CDH11: variants seen among roughly 807,000 people sequenced by gnomAD.
CDH11 encodes the protein cadherin-11.
Under a neutral mutation model 67.8 loss-of-function variants are expected in CDH11, and 11 were observed. The ratio of observed to expected loss-of-function variants is 0.16; its 90% CI spans 0.10 to 0.27. CDH11 has a LOEUF of 0.27. Among genes scored for constraint, CDH11 ranks in the 10% least tolerant of loss-of-function variants. The pLI is 1.00. For missense variants in CDH11, 847 were observed against 1,031.2 expected, an observed-to-expected ratio of 0.82 and a Z score of 2.45; for synonymous variants, 419 against 400.0, an observed-to-expected ratio of 1.05 and a Z score of -0.57.
At position 65,116,511 on chromosome 16, in the gene CDH11, T is replaced by C. The variant is rs138950747; in HGVS notation, c.-298+5369A>G. ...AAAATCATTCCAGTGCAGAGGACCA[T>C]GTCAGGAGGATTTCTGGCAAATAAG... On this transcript the variant is annotated intron_variant, in intron 1 of 12. Transcript: ENST00000268603. Among the ~76,000 whole-genome samples, 776 of 152,294 alleles carry C rather than the reference T, an allele frequency of 5.1e-3. 3 individuals carry two copies. Among genetic ancestry groups the C allele is most frequent in the Non-Finnish European group, 7.5e-3 (513 of 68,026 alleles).
At chr16:64,987,956 C>A (rs2072527434) in intron 7 of CDH11, 1 of 444,116 alleles carries the variant, frequency 2.3e-6, no homozygotes, top group Non-Finnish European at 4.0e-6. Context: ...GTATCACCAG[C>A]CCCTTTGTCA....
chr16:64,967,527 A>C (rs956166315), intron 11 of CDH11, among the ~76,000 whole-genome samples: 4 of 152,204 alleles, frequency 2.6e-5, no homozygotes, highest in Non-Finnish European at 5.9e-5. Flanking sequence ...ATATTTGGCG[A>C]AGGTGTGGAA....
At chr16:65,006,411 T>C (rs1456656920) in intron 2 of CDH11, among the ~76,000 whole-genome samples, 1 of 152,200 alleles carries the variant, frequency 6.6e-6, no homozygotes, top group African/African-American at 2.4e-5. Context: ...AGCATGAATC[T>C]TGGCATAGTG....
chr16:64,982,309 G>T lies in CDH11; in HGVS notation c.1000-8C>A. 5 of 1,604,810 alleles carry T rather than the reference G, an allele frequency of 3.1e-6. No homozygotes were observed. The highest frequency in any genetic ancestry group is 1.1e-5 in the South Asian group (1 of 90,182). ...GGTTTCAAAATCTACAGGCTGGCAA[G>T]AATGAAGAGAAGATTGACAACCAAT... On this transcript the variant is annotated splice_polypyrimidine_tract_variant and splice_region_variant and intron_variant, in intron 7 of 12. Coordinates refer to ENST00000268603, the MANE Select transcript of CDH11 (RefSeq NM_001797.4).
chr16:65,050,165 C>T (rs1455443514), intron 2 of CDH11, among the ~76,000 whole-genome samples: 1 of 152,200 alleles, frequency 6.6e-6, no homozygotes, highest in Non-Finnish European at 1.5e-5. Flanking sequence ...CTGTGCTCTA[C>T]TGAAAACCCA....
At chr16:65,070,038 C>G (rs2074388804) in intron 1 of CDH11, among the ~76,000 whole-genome samples, 1 of 152,138 alleles carries the variant, frequency 6.6e-6, no homozygotes, top group Non-Finnish European at 1.5e-5. Context: ...AGCCAATAAC[C>G]CCATCAGCCT....
At chr16:65,007,787 A>C (rs1372065186) in intron 2 of CDH11, among the ~76,000 whole-genome samples, 1 of 152,198 alleles carries the variant, frequency 6.6e-6, no homozygotes, top group African/African-American at 2.4e-5. Flanking sequence ...TTGTCTCCTT[A>C]CTAGACTGGA....
At chr16:64,966,504 G>C (rs547925347) in intron 11 of CDH11, among the ~76,000 whole-genome samples, 75 of 151,906 alleles carry the variant, frequency 4.9e-4, no homozygotes, top group African/African-American at 1.5e-3. Context: ...AGAAAAATAT[G>C]ATACCAGTAA....
chr16:64,995,114 T>C (rs537628107), intron 4 of CDH11, among the ~76,000 whole-genome samples: 1 of 152,254 alleles, frequency 6.6e-6, no homozygotes, highest in African/African-American at 2.4e-5. Flanking sequence ...TTTCAACCCA[T>C]GAGCATAGAA....
chr16:65,001,229 T>G (rs2072913008), intron 3 of CDH11, among the ~76,000 whole-genome samples: 1 of 152,228 alleles, frequency 6.6e-6, no homozygotes, highest in Admixed American at 6.5e-5. Context: ...TAAACAGACT[T>G]TTCTTCAGCA....
At chr16:65,120,031 C>T (rs541932866) in intron 1 of CDH11, among the ~76,000 whole-genome samples, 3 of 152,268 alleles carry the variant, frequency 2.0e-5, no homozygotes, top group East Asian at 1.9e-4. Context: ...GAGTGCTTCT[C>T]GTATTGGCCA....
rs114097427 is a variant in CDH11, at chr16:65,118,203, C to T, written c.-298+3677G>A. 4.5e-3 allele frequency among the ~76,000 whole-genome samples: 681 copies of T among 152,202 alleles called. 4 individuals are homozygous for T. The highest frequency in any genetic ancestry group is 0.015 in the African/African-American group (642 of 41,528). ...GAAGTGCAATCTTCCGCGAAGGAGT[C>T]CATTTCCAGAGTTGTACAAGGCTCT... On this transcript the variant is annotated intron_variant, in intron 1 of 12. Coordinates refer to ENST00000268603, the MANE Select transcript of CDH11 (RefSeq NM_001797.4).
chr16:65,104,329 G>A (rs1356344354), intron 1 of CDH11, among the ~76,000 whole-genome samples: 1 of 152,120 alleles, frequency 6.6e-6, no homozygotes, highest in Non-Finnish European at 1.5e-5. Context: ...TTGGAAACAC[G>A]GAACTTGGAG....
chr16:65,003,496 A>T (rs1335574187), intron 3 of CDH11, among the ~76,000 whole-genome samples: 1 of 152,150 alleles, frequency 6.6e-6, no homozygotes, highest in African/African-American at 2.4e-5. Context: ...ACATCCCGTG[A>T]TTCACCTGCC....
At position 64,993,792 on chromosome 16, in the gene CDH11, C is replaced by T. The variant is rs962462918; in HGVS notation, c.524-758G>A. On this transcript the variant is annotated intron_variant, in intron 4 of 12. Coordinates refer to ENST00000268603, the MANE Select transcript of CDH11 (RefSeq NM_001797.4). The stretch of plus-strand genomic sequence containing the variant: ...CAAATAGCAAGTATCTGGGGCATGG[C>T]ATGTTGGGCTTCAGAGTGGGGAGAG... Among the ~76,000 whole-genome samples the T allele has an allele frequency of 5.3e-5, 8 of 152,074 alleles. No individual in the cohort carries two copies. The South Asian group carries it at 6.2e-4, about 12-fold the overall frequency.
chr16:64,993,015 C>T lies in CDH11; in HGVS notation c.543G>A (p.Val181=), dbSNP rs1219842330. Reference sequence around the variant, plus strand: ...TGGGGTCATCTGCATCTGAAGCTGTCACCTGGATTACTGACGTTCCTTAAA... The same window carrying T: ...TGGGGTCATCTGCATCTGAAGCTGTTACCTGGATTACTGACGTTCCTTAAA... ...RSNVGTSVIQ[V]TASDADDPTY... is the part of the protein sequence containing the mutation. The change falls in exon 5 of 13, where the codon GTG becomes GTA. Residue 181 remains valine (V), a synonymous_variant. Coordinates refer to ENST00000268603, the MANE Select transcript of CDH11 (RefSeq NM_001797.4). 6.2e-7 allele frequency: 1 copy of T among 1,611,324 alleles called. No homozygotes were observed. The highest frequency in any genetic ancestry group is 1.3e-5 in the African/African-American group (1 of 74,958).
intron 8 of CDH11, among the ~76,000 whole-genome samples, chr16:64,974,299 T>A: frequency 6.6e-6 from 1 of 152,192 alleles, no homozygotes; most frequent in East Asian, 1.9e-4. Context: ...TGTGTGGTTT[T>A]CTGCTCTTAG....
In CDH11 at chr16:64,948,911, G is replaced by T. The variant is rs560328171; in HGVS notation, c.1895-812C>A. 7.3e-6 allele frequency: 5 copies of T among 686,362 alleles called. No homozygotes were observed. In the East Asian group the frequency reaches 1.4e-4, roughly 19 times the overall value. The allele number at this position is 686,362 out of a possible 1,614,324, so 42.5% of individuals were successfully genotyped here. On this transcript the variant is annotated intron_variant, in intron 12 of 12. Coordinates refer to ENST00000268603, the MANE Select transcript of CDH11 (RefSeq NM_001797.4). ...ATTAGAAGGCTCTCCCATACACCCA[G>T]CAAGGCTGAAGAAAATGTTTGTGGC...
intron 1 of CDH11, among the ~76,000 whole-genome samples, chr16:65,062,004 C>T (rs767515955): frequency 1.3e-5 from 2 of 152,148 alleles, no homozygotes; most frequent in African/African-American, 2.4e-5. Flanking sequence ...AGCCAAGACT[C>T]GGACACAGGC....
Sources: gnomAD v4.1 joint callset for allele counts (sites outside exome capture counted in the v4.1 genomes callset) on GRCh38, gnomAD v4.1.1 for gene constraint, MANE v1.5 for transcripts, NCBI Gene and HGNC (gene_info 2026-07-23, HGNC 2026-07-21) for gene names.